STPG2: variants seen among roughly 807,000 people sequenced by gnomAD.
STPG2 encodes the protein sperm tail PG-rich repeat containing 2, also known as sperm-tail PG-rich repeat-containing protein 2.
STPG2 carries 56 observed loss-of-function variants against 54.2 expected under a neutral mutation model. The ratio of observed to expected loss-of-function variants is 1.03; its 90% CI spans 0.83 to 1.29. STPG2 has a LOEUF of 1.29. Among genes scored for constraint, STPG2 ranks in the 50% most tolerant of loss-of-function variants. STPG2 has a pLI of 0.00. For synonymous variants in STPG2, 200 were observed against 181.8 expected (o/e 1.10, Z -0.81); for missense variants, 596 against 544.9 (o/e 1.09, Z -0.93).
At chr4:97,984,875 A>G (rs1734783749) in intron 5 of STPG2, among the ~76,000 whole-genome samples, 2 of 152,152 alleles carry the variant, frequency 1.3e-5, no homozygotes, top group Admixed American at 1.3e-4. Context: ...AAACTTAACA[A>G]TTGGGTCTTG....
intron 9 of STPG2, among the ~76,000 whole-genome samples, chr4:97,766,687 T>A (rs1726064674): frequency 6.6e-6 from 1 of 152,086 alleles, no homozygotes; most frequent in African/African-American, 2.4e-5. Context: ...TCAGAAGAAT[T>A]TTCATGCTTG....
intron 4 of STPG2, among the ~76,000 whole-genome samples, chr4:97,541,308 C>T (rs1008907263): frequency 2.0e-5 from 3 of 152,094 alleles, no homozygotes; most frequent in Non-Finnish European, 4.4e-5. Context: ...AAATCACAAG[C>T]ATTCTTATAC....
At chr4:97,893,163 C>G (rs1251645352) in intron 8 of STPG2, 1 of 151,864 alleles carries the variant, frequency 6.6e-6, no homozygotes, top group Non-Finnish European at 1.5e-5. Context: ...TACTGCATGG[C>G]CTATATCCTA....
intron 4 of STPG2, among the ~76,000 whole-genome samples, chr4:97,549,403 AT>A (rs1731915680): frequency 6.6e-6 from 1 of 152,074 alleles, no homozygotes; most frequent in Admixed American, 6.6e-5. Context: ...ACTCTAAAAT[AT>A]TATGTTTTCC....
At chr4:97,933,234 T>C (rs1578705304) in intron 8 of STPG2, among the ~76,000 whole-genome samples, 1 of 150,908 alleles carries the variant, frequency 6.6e-6, no homozygotes, top group African/African-American at 2.4e-5. Context: ...TGTAAATTTG[T>C]TTAAGTTCCT....
Position 98,143,129 on chromosome 4 carries a change from G to C in STPG2, c.22C>G (p.Leu8Val). The change falls in exon 1 of 11, where the codon CTG (leucine) becomes GTG (valine). Residue 8 changes from leucine (L) to valine (V), a missense_variant. Coordinates refer to ENST00000295268, the MANE Select transcript of STPG2 (RefSeq NM_174952.3). MYDRAPRLLKLAEGGSTE... is the reference protein window; with the variant it reads MYDRAPRVLKLAEGGSTE... Reference sequence around the variant, plus strand: ...CTGCCACCTTCAGCCAATTTGAGCAGGCGGGGAGCCCGATCATACATAGTG... The same window carrying C: ...CTGCCACCTTCAGCCAATTTGAGCACGCGGGGAGCCCGATCATACATAGTG... 3.7e-6 allele frequency: 6 copies of C among 1,613,796 alleles called. No individual in the cohort carries two copies. Among genetic ancestry groups the C allele is most frequent in the Non-Finnish European group, 5.1e-6 (6 of 1,179,874 alleles).
intron 8 of STPG2, among the ~76,000 whole-genome samples, chr4:97,936,475 T>C (rs1248892996): frequency 6.6e-6 from 1 of 152,172 alleles, no homozygotes; most frequent in Non-Finnish European, 1.5e-5. Flanking sequence ...CATTGTTTCA[T>C]TGGTCTTTGT....
chr4:97,566,242 G>C (rs7693052), intron 10 of STPG2, among the ~76,000 whole-genome samples: 9 of 152,126 alleles, frequency 5.9e-5, no homozygotes, highest in Non-Finnish European at 1.2e-4. Flanking sequence ...CTCCGAGCCT[G>C]GTGCGGGATA....
rs138638925 is a variant in STPG2 at position 97,912,088 on chromosome 4, C to T, written c.1044+31809G>A. Among the ~76,000 whole-genome samples, 1,461 of 151,984 alleles carry T rather than the reference C, an allele frequency of 9.6e-3. 8 individuals are homozygous for T. The highest frequency in any genetic ancestry group is 0.016 in the Non-Finnish European group (1,065 of 67,968). On this transcript the variant is annotated intron_variant, in intron 8 of 10. Coordinates refer to ENST00000295268, the MANE Select transcript of STPG2 (RefSeq NM_174952.3). Reference sequence around the variant, plus strand: ...GGAGTGGACCCCCCAAAACACGCGGCAGCCCTGCAGAAGAGCGGCCTGTTA... The same window carrying T: ...GGAGTGGACCCCCCAAAACACGCGGTAGCCCTGCAGAAGAGCGGCCTGTTA...
chr4:98,030,601 G>A (rs1736563694), intron 5 of STPG2, among the ~76,000 whole-genome samples: 1 of 152,090 alleles, frequency 6.6e-6, no homozygotes, highest in Non-Finnish European at 1.5e-5. Context: ...AAAGAAAAAA[G>A]CTAGAGGCAG....
At chr4:97,987,385 T>C (rs912907179) in intron 5 of STPG2, among the ~76,000 whole-genome samples, 5 of 152,224 alleles carry the variant, frequency 3.3e-5, no homozygotes, top group Admixed American at 3.3e-4. Flanking sequence ...TTTAAATGTA[T>C]GTAAATCAAC....
intron 4 of STPG2, among the ~76,000 whole-genome samples, chr4:97,485,671 T>C (rs983072483): frequency 1.3e-5 from 2 of 151,780 alleles, no homozygotes; most frequent in Non-Finnish European, 2.9e-5. Flanking sequence ...CCCATCAAAA[T>C]ACCACCATCA....
intron 10 of STPG2, among the ~76,000 whole-genome samples, chr4:97,690,673 T>G (rs1407009569): frequency 6.6e-6 from 1 of 152,198 alleles, no homozygotes; most frequent in East Asian, 1.9e-4. Context: ...CAACCCTGGT[T>G]GAATATAGGT....
intron 3 of STPG2, among the ~76,000 whole-genome samples, chr4:98,126,189 T>C (rs6829567): frequency 0.4 from 60,154 of 152,066 alleles, 12,148 homozygotes; most frequent in Middle Eastern, 0.46. Context: ...TGCTGCTTGG[T>C]TCCCTGGCTT....
chr4:97,492,207 G>A lies in STPG2; in HGVS notation c.462+220492C>T, dbSNP rs939977671. On this transcript the variant is annotated intron_variant, in intron 4 of 4. Coordinates refer to the STPG2 transcript ENST00000522676. Reference sequence around the variant, plus strand: ...GAAGAGAACTCCTTTCCCACCCATCGAAGAACTACTTGTCTTCTATTAGAA... The same window carrying A: ...GAAGAGAACTCCTTTCCCACCCATCAAAGAACTACTTGTCTTCTATTAGAA... Among the ~76,000 whole-genome samples the A allele has an allele frequency of 5.3e-5, 8 of 151,460 alleles. No individual in the cohort carries two copies. The South Asian group carries it at 8.3e-4, about 16-fold the overall frequency.
chr4:97,775,515 G>A (rs1017230387), intron 9 of STPG2, among the ~76,000 whole-genome samples: 2 of 152,170 alleles, frequency 1.3e-5, no homozygotes, highest in Admixed American at 1.3e-4. Context: ...CTTGGTTACT[G>A]AATGTACAAT....
At chr4:97,635,321 A>G (rs1309869016) in intron 10 of STPG2, among the ~76,000 whole-genome samples, 1 of 152,264 alleles carries the variant, frequency 6.6e-6, no homozygotes, top group Non-Finnish European at 1.5e-5. Context: ...GGCCTGCCCT[A>G]AAAGAGCTCC....
intron 9 of STPG2, among the ~76,000 whole-genome samples, chr4:97,745,852 G>A (rs1265335661): frequency 6.6e-6 from 1 of 151,076 alleles, no homozygotes; most frequent in Admixed American, 6.6e-5. Flanking sequence ...CAAAATAAAA[G>A]TTCTCAAATG....
At chr4:97,938,697 G>A (rs1157666907) in intron 8 of STPG2, among the ~76,000 whole-genome samples, 1 of 152,162 alleles carries the variant, frequency 6.6e-6, no homozygotes, top group African/African-American at 2.4e-5. Context: ...TCCCTTGGCT[G>A]GTGCTGGAGG....
Sources: gnomAD v4.1 joint callset for allele counts (sites outside exome capture counted in the v4.1 genomes callset) on GRCh38, gnomAD v4.1.1 for gene constraint, MANE v1.5 for transcripts, NCBI Gene and HGNC (gene_info 2026-07-23, HGNC 2026-07-21) for gene names.